CMSS1: variants seen among roughly 807,000 people sequenced by gnomAD.
CMSS1 encodes cms1 ribosomal small subunit homolog, also known as protein CMSS1.
A neutral mutation model predicts 43.5 loss-of-function variants in CMSS1; 33 were observed. The observed-to-expected ratio is 0.76, with a 90% confidence interval of 0.57 to 1.01. The LOEUF is 1.01. CMSS1 is among the 50% of genes least tolerant of loss of function. The probability of loss-of-function intolerance (pLI) is 0.00; values close to 1 mark genes in which losing one functional copy is unlikely to be tolerated. For missense variants in CMSS1, 313 were observed against 326.4 expected, an observed-to-expected ratio of 0.96 and a Z score of 0.32; for synonymous variants, 115 against 117.2, an observed-to-expected ratio of 0.98 and a Z score of 0.12.
At chr3:99,875,331 C>T (rs1020004445) in intron 1 of CMSS1, among the ~76,000 whole-genome samples, 7 of 152,108 alleles carry the variant, frequency 4.6e-5, no homozygotes, top group Non-Finnish European at 2.9e-5. Flanking sequence ...AATACAGTTA[C>T]TCTATAAGTT....
intron 1 of CMSS1, among the ~76,000 whole-genome samples, chr3:100,117,809 GGATA>G (rs1448961463): frequency 1.0e-5 from 1 of 96,154 alleles, no homozygotes; most frequent in Non-Finnish European, 2.0e-5. Context: ...GTCCATCAAT[GGATA>G]GATAAACTGC....
chr3:100,052,332 A>G (rs2065388218), intron 1 of CMSS1, among the ~76,000 whole-genome samples: 1 of 152,222 alleles, frequency 6.6e-6, no homozygotes, highest in South Asian at 2.1e-4. Context: ...TGAATGGCAC[A>G]TTTATGAGAG....
At chr3:100,060,442 C>T (rs1036716118) in intron 1 of CMSS1, among the ~76,000 whole-genome samples, 5 of 151,928 alleles carry the variant, frequency 3.3e-5, no homozygotes, top group African/African-American at 1.2e-4. Context: ...TGCCAATGCC[C>T]TAAACGAAAA....
chr3:100,016,169 T>C (rs868306143), intron 1 of CMSS1, among the ~76,000 whole-genome samples: 7 of 152,208 alleles, frequency 4.6e-5, no homozygotes, highest in South Asian at 2.1e-4. Context: ...GTGCTGAGCA[T>C]TGGGGCTATT....
At chr3:99,861,460 T>C (rs924582569) in intron 1 of CMSS1, among the ~76,000 whole-genome samples, 4 of 152,198 alleles carry the variant, frequency 2.6e-5, no homozygotes, top group South Asian at 2.1e-4. Flanking sequence ...ACACCTAGCA[T>C]TGTGATGGTG....
intron 1 of CMSS1, among the ~76,000 whole-genome samples, chr3:100,135,923 G>C (rs1168281878): frequency 6.6e-6 from 1 of 152,068 alleles, no homozygotes; most frequent in Admixed American, 6.6e-5. Flanking sequence ...TAGCTTTAAA[G>C]TTTTCTGTGG....
At chr3:99,888,629 G>A (rs1294549193) in intron 1 of CMSS1, among the ~76,000 whole-genome samples, 1 of 152,158 alleles carries the variant, frequency 6.6e-6, no homozygotes, top group Non-Finnish European at 1.5e-5. Flanking sequence ...CCTCCTAACT[G>A]CTTAACCTAT....
intron 1 of CMSS1, among the ~76,000 whole-genome samples, chr3:100,070,202 C>T (rs1316667070): frequency 1.3e-5 from 2 of 152,164 alleles, no homozygotes; most frequent in Non-Finnish European, 2.9e-5. Flanking sequence ...ATGTGAGAAA[C>T]ACTGAATATC....
chr3:99,848,779 A>G, intron 1 of CMSS1: 3 of 1,614,088 alleles, frequency 1.9e-6, no homozygotes, highest in Non-Finnish European at 2.5e-6. Context: ...TAAATTCATG[A>G]GGTCTTCGGT....
At chr3:100,030,379 C>T (rs2065003614) in intron 1 of CMSS1, among the ~76,000 whole-genome samples, 1 of 152,112 alleles carries the variant, frequency 6.6e-6, no homozygotes, top group Admixed American at 6.6e-5. Flanking sequence ...AACTTGGACT[C>T]ATTGTCCTCT....
At chr3:100,054,475 A>ATGT (rs2065426848) in intron 1 of CMSS1, among the ~76,000 whole-genome samples, 1 of 145,882 alleles carries the variant, frequency 6.9e-6, no homozygotes. Flanking sequence ...TTCGTTCATT[A>ATGT]TATTATGTTA....
intron 1 of CMSS1, among the ~76,000 whole-genome samples, chr3:100,071,551 G>A (rs1042976979): frequency 5.9e-5 from 9 of 152,232 alleles, no homozygotes; most frequent in African/African-American, 2.2e-4. Context: ...GCCCAAGGGT[G>A]TGGGTCTTCT....
At chr3:99,992,328 A>G (rs1709548348) in intron 1 of CMSS1, among the ~76,000 whole-genome samples, 1 of 152,048 alleles carries the variant, frequency 6.6e-6, no homozygotes, top group Admixed American at 6.5e-5. Context: ...CCTTGCCAAC[A>G]TCTGTTGTTT....
rs769541275 is a variant in CMSS1, at chr3:99,930,957, C to T, written c.64+112914C>T. 9 of 1,613,642 alleles carry T rather than the reference C, an allele frequency of 5.6e-6. No individual in the cohort carries two copies. Among genetic ancestry groups the T allele is most frequent in the Non-Finnish European group, 7.6e-6 (9 of 1,179,896 alleles). On this transcript the variant is annotated intron_variant, in intron 1 of 9. Coordinates refer to ENST00000421999, the MANE Select transcript of CMSS1 (RefSeq NM_032359.4). ...TTTTTAGGCCCTTGGAAACTGTGGCCTTTAGTATGTCTTGGAAATTTCTTT... is the reference window on the plus strand; with the variant it reads ...TTTTTAGGCCCTTGGAAACTGTGGCTTTTAGTATGTCTTGGAAATTTCTTT...
Position 100,179,131 on chromosome 3 carries a change from G to A in CMSS1, c.*743G>A, listed in dbSNP as rs2067169923. 6.6e-6 allele frequency: 1 copy of A among 152,208 alleles called. No individual in the cohort carries two copies. The highest frequency in any genetic ancestry group is 1.5e-5 in the Non-Finnish European group (1 of 68,050). The allele number at this position is 152,208 out of a possible 1,614,324, so 9.4% of individuals were successfully genotyped here. A position where few individuals can be genotyped will look rare whatever the true frequency, so the allele number is the denominator to read the frequency against. On this transcript the variant is annotated 3_prime_UTR_variant, in exon 10 of 10. Transcript: ENST00000421999. ...CAGCAAGGGGAAAATCTGTCCCTATGATCCAGTCACCTTCCACCAGGTCCC... is the reference window on the plus strand; with the variant it reads ...CAGCAAGGGGAAAATCTGTCCCTATAATCCAGTCACCTTCCACCAGGTCCC...
intron 1 of CMSS1, among the ~76,000 whole-genome samples, chr3:100,014,979 G>T (rs12636176): frequency 1.7e-5 from 2 of 118,842 alleles, no homozygotes; most frequent in African/African-American, 6.4e-5. Flanking sequence ...CCAATATCAA[G>T]AAGCTTTTTC....
At chr3:99,916,454 AC>A (rs1706955989) in intron 1 of CMSS1, among the ~76,000 whole-genome samples, 3 of 148,762 alleles carry the variant, frequency 2.0e-5, no homozygotes, top group Admixed American at 6.7e-5. Flanking sequence ...ACACACACAC[AC>A]ACACACACAC....
chr3:100,148,003 A>G (rs1306691795), intron 2 of CMSS1, among the ~76,000 whole-genome samples: 2 of 152,202 alleles, frequency 1.3e-5, no homozygotes, highest in African/African-American at 4.8e-5. Flanking sequence ...TGCAAAAGTA[A>G]TTGTGGTTTT....
chr3:100,071,845 A>G (rs1029325568), intron 1 of CMSS1, among the ~76,000 whole-genome samples: 1 of 152,078 alleles, frequency 6.6e-6, no homozygotes, highest in Non-Finnish European at 1.5e-5. Flanking sequence ...TGGGCACCCA[A>G]CTTCATTATT....
Sources: allele counts gnomAD v4.1 joint callset (sites outside exome capture counted in the v4.1 genomes callset), GRCh38; gene constraint gnomAD v4.1.1; transcripts MANE v1.5; gene names NCBI Gene and HGNC (gene_info 2026-07-23, HGNC 2026-07-21).